Variants in TET3 observed in about 807,000 individuals in gnomAD.
The protein encoded by TET3 is tet methylcytosine dioxygenase 3, also known as methylcytosine dioxygenase TET3.
Under a neutral mutation model 141.4 loss-of-function variants are expected in TET3, and 19 were observed. The observed-to-expected ratio is 0.13, with a 90% confidence interval of 0.09 to 0.20. The LOEUF (loss-of-function observed/expected upper bound fraction) is 0.20, where lower values mean the gene tolerates loss of function less well. TET3 is among the 10% of genes least tolerant of loss of function. TET3 has a pLI of 1.00. For missense variants in TET3, 1,874 were observed against 2,356.9 expected (o/e 0.80, Z 4.24); for synonymous variants, 1,043 against 980.9 (o/e 1.06, Z -1.18).
chr2:74,027,336 A>ATTT (rs1686421666), intron 3 of TET3, among the ~76,000 whole-genome samples: 1 of 115,812 alleles, frequency 8.6e-6, no homozygotes, highest in South Asian at 2.4e-4. Flanking sequence ...ATGAGAAGTG[A>ATTT]CTTTTTTTTT....
At chr2:74,090,406 G>A (rs1416478884) in intron 8 of TET3, among the ~76,000 whole-genome samples, 4 of 152,232 alleles carry the variant, frequency 2.6e-5, no homozygotes, top group African/African-American at 9.6e-5. Context: ...TAGGTGTGAG[G>A]TTTAGCAGGA....
In TET3 at chr2:73,997,579, G is replaced by T. The variant is rs188578246; in HGVS notation, c.304-5531G>T. On this transcript the variant is annotated intron_variant, in intron 2 of 11. Coordinates refer to ENST00000409262, the MANE Select transcript of TET3 (RefSeq NM_001287491.2). ...ACAAGGAGAGAGAGACACCTTCCTG[G>T]TGTATCCTGGGTCCCAGGATCTACA... 1.4e-4 allele frequency among the ~76,000 whole-genome samples: 22 copies of T among 152,248 alleles called. No individual in the cohort carries two copies. The East Asian group carries it at 3.9e-3, about 27-fold the overall frequency.
chr2:74,017,961 C>CTTTTTTTT (rs35319685), intron 3 of TET3, among the ~76,000 whole-genome samples: 3 of 97,232 alleles, frequency 3.1e-5, no homozygotes, highest in Non-Finnish European at 5.7e-5. Context: ...TCTTCTGTCT[C>CTTTTTTTT]TTTTTTTTTT....
At chr2:74,134,073 A>G in the TET3 span, among the ~76,000 whole-genome samples, 1 of 152,246 alleles carries the variant, frequency 6.6e-6, no homozygotes, top group South Asian at 2.1e-4. Context: ...CACCATATTG[A>G]GCCCACTCTT....
At chr2:74,089,641 C>T (rs563483151) in intron 7 of TET3, among the ~76,000 whole-genome samples, 2 of 152,284 alleles carry the variant, frequency 1.3e-5, no homozygotes, top group Non-Finnish European at 2.9e-5. Context: ...TTCCGTAAAC[C>T]CATGTGCTAC....
At chr2:74,050,636 A>T (rs1687894916) in intron 4 of TET3, among the ~76,000 whole-genome samples, 1 of 152,080 alleles carries the variant, frequency 6.6e-6, no homozygotes, top group Non-Finnish European at 1.5e-5. Context: ...TGTAGCCTCC[A>T]CTTCCTGGGC....
the TET3 span, chr2:74,122,490 C>CATATATATATATATATATAT: frequency 3.4e-5 from 2 of 59,354 alleles, no homozygotes; most frequent in Admixed American, 3.2e-4. Flanking sequence ...TAAATACATA[C>CATATATATATATATATATAT]ATATATATAT....
At chr2:74,012,029 C>T (rs532354644) in intron 3 of TET3, among the ~76,000 whole-genome samples, 143 of 152,346 alleles carry the variant, frequency 9.4e-4, no homozygotes, top group Non-Finnish European at 1.8e-3. Context: ...GGCTCGATCT[C>T]GGCTCACTGC....
chr2:74,135,230 C>G, the TET3 span: 2 of 351,000 alleles, frequency 5.7e-6, no homozygotes, highest in South Asian at 9.2e-5. Context: ...AGGATCTTTT[C>G]TTTGTTTCAG....
intron 4 of TET3, among the ~76,000 whole-genome samples, chr2:74,052,529 T>A (rs1257249255): frequency 6.8e-6 from 1 of 146,672 alleles, no homozygotes; most frequent in African/African-American, 2.6e-5. Context: ...GGGAACAACT[T>A]TATAAAAGCA....
intron 3 of TET3, among the ~76,000 whole-genome samples, chr2:74,033,850 C>A (rs190962144): frequency 6.6e-6 from 1 of 152,124 alleles, no homozygotes; most frequent in Admixed American, 6.5e-5. Context: ...AATCCCAGCA[C>A]TTTGGGAGGC....
At chr2:74,032,825 G>A (rs954792415) in intron 3 of TET3, among the ~76,000 whole-genome samples, 1 of 152,168 alleles carries the variant, frequency 6.6e-6, no homozygotes, top group African/African-American at 2.4e-5. Context: ...CTGCCCAGGC[G>A]ATAACTTTGC....
chr2:74,040,993 G>A (rs555044399), intron 3 of TET3, among the ~76,000 whole-genome samples: 17 of 152,330 alleles, frequency 1.1e-4, no homozygotes, highest in Non-Finnish European at 2.1e-4. Context: ...GGATGGGTCT[G>A]AGCTGAGGCT....
chr2:74,127,482 C>A, the TET3 span, among the ~76,000 whole-genome samples: 1 of 152,186 alleles, frequency 6.6e-6, no homozygotes, highest in Non-Finnish European at 1.5e-5. Flanking sequence ...TTCCCCTCTT[C>A]CTTCAGCACT....
At chr2:74,083,588 G>A (rs1353905567) in intron 6 of TET3, among the ~76,000 whole-genome samples, 1 of 152,162 alleles carries the variant, frequency 6.6e-6, no homozygotes, top group Non-Finnish European at 1.5e-5. Flanking sequence ...GCTCAGGTAT[G>A]GATGTGTTTG....
intron 2 of TET3, chr2:73,998,384 C>T (rs1276272782): frequency 6.6e-6 from 1 of 152,324 alleles, no homozygotes; most frequent in Non-Finnish European, 1.5e-5. Context: ...AGAGTGTCAC[C>T]TATCAGCCTG....
At chr2:74,008,746 G>A (rs1322196919) in intron 3 of TET3, among the ~76,000 whole-genome samples, 1 of 152,006 alleles carries the variant, frequency 6.6e-6, no homozygotes, top group Non-Finnish European at 1.5e-5. Context: ...GCCTTAGCTA[G>A]AGGAGAGTAG....
intron 3 of TET3, among the ~76,000 whole-genome samples, chr2:74,009,400 C>T (rs1685310799): frequency 6.6e-6 from 1 of 152,210 alleles, no homozygotes; most frequent in African/African-American, 2.4e-5. Flanking sequence ...CAAGTCATTC[C>T]TCTGATGGCT....
intron 7 of TET3, 75 bp downstream of exon 7, chr2:74,088,113 AC>A: frequency 6.9e-7 from 1 of 1,455,572 alleles, no homozygotes; most frequent in Non-Finnish European, 9.2e-7. Flanking sequence ...ACTGCAGGCA[AC>A]CCTGGGGAAG....
Sources: gnomAD v4.1 joint callset for allele counts (sites outside exome capture counted in the v4.1 genomes callset) on GRCh38, gnomAD v4.1.1 for gene constraint, MANE v1.5 for transcripts, NCBI Gene and HGNC (gene_info 2026-07-23, HGNC 2026-07-21) for gene names.